Variants in GPR137B observed in about 807,000 individuals in gnomAD.
The protein encoded by GPR137B is G protein-coupled receptor 137B.
Under a neutral mutation model 42.5 loss-of-function variants are expected in GPR137B, and 42 were observed. The observed-to-expected ratio is 0.99, with a 90% confidence interval of 0.77 to 1.28. The LOEUF is 1.28. Ranked by LOEUF, GPR137B falls within the 50% of genes most tolerant of loss-of-function variation. The pLI, the probability that GPR137B is intolerant of heterozygous loss-of-function variation, is 0.00. For missense variants in GPR137B, 487 were observed against 493.9 expected (o/e 0.99, Z 0.13); for synonymous variants, 218 against 209.7 (o/e 1.04, Z -0.34).
At chr1:236,181,432 C>G (rs1662874865) in intron 4 of GPR137B, among the ~76,000 whole-genome samples, 1 of 151,876 alleles carries the variant, frequency 6.6e-6, no homozygotes, top group African/African-American at 2.4e-5. Flanking sequence ...TTATGGTCCA[C>G]TAAGGAAAAG....
chr1:236,185,407 A>G (rs1264461934), intron 5 of GPR137B, among the ~76,000 whole-genome samples: 1 of 152,196 alleles, frequency 6.6e-6, no homozygotes, highest in Non-Finnish European at 1.5e-5. Context: ...TACCATCTGT[A>G]TCCGAATCCC....
At chr1:236,153,023 T>C (rs1256610485) in intron 1 of GPR137B, among the ~76,000 whole-genome samples, 1 of 145,890 alleles carries the variant, frequency 6.9e-6, no homozygotes, top group Non-Finnish European at 1.5e-5. Flanking sequence ...ACCACTGCAC[T>C]CCAGGCTGGG....
At position 236,173,151 on chromosome 1, in the gene GPR137B, C is replaced by T. The variant is rs115686135; in HGVS notation, c.464+4396C>T. Reference sequence around the variant, plus strand: ...CTACAAAATAAAAAAATCAGCTGGGCGTAGTGGTGCGCGCCTGTATTCCCA... The same window carrying T: ...CTACAAAATAAAAAAATCAGCTGGGTGTAGTGGTGCGCGCCTGTATTCCCA... On this transcript the variant is annotated intron_variant, in intron 2 of 6. Coordinates refer to ENST00000366592, the MANE Select transcript of GPR137B (RefSeq NM_003272.4). Among the ~76,000 whole-genome samples, 1,320 of 151,316 alleles carry T rather than the reference C, an allele frequency of 8.7e-3. 15 individuals carry two copies. Among genetic ancestry groups the T allele is most frequent in the African/African-American group, 0.029 (1,189 of 41,318 alleles).
chr1:236,164,261 GAAAGCCAGGATGATGT>G (rs1054260725), intron 1 of GPR137B, among the ~76,000 whole-genome samples: 5 of 152,186 alleles, frequency 3.3e-5, no homozygotes, highest in African/African-American at 1.2e-4. Context: ...CCACCAATTG[GAAAGCCAGGATGATGT>G]AAATTTTCAT....
chr1:236,148,692 G>T (rs76610596), intron 1 of GPR137B, among the ~76,000 whole-genome samples: 2,191 of 152,318 alleles, frequency 0.014, 56 homozygotes, highest in African/African-American at 0.049. Context: ...CAGCAGGGAT[G>T]GTTCGTGAGT....
intron 1 of GPR137B, among the ~76,000 whole-genome samples, chr1:236,146,993 G>C (rs948428911): frequency 2.6e-5 from 4 of 152,210 alleles, no homozygotes; most frequent in Non-Finnish European, 5.9e-5. Flanking sequence ...ATTTTCAGTA[G>C]AGACAGGGTT....
At chr1:236,198,719 T>C (rs938127205) in intron 5 of GPR137B, among the ~76,000 whole-genome samples, 1 of 152,240 alleles carries the variant, frequency 6.6e-6, no homozygotes, top group African/African-American at 2.4e-5. Flanking sequence ...TATTTTGTTT[T>C]TGCAGCTGTT....
intron 1 of GPR137B, among the ~76,000 whole-genome samples, chr1:236,159,006 G>A (rs141765610): frequency 6.6e-6 from 1 of 152,278 alleles, no homozygotes; most frequent in East Asian, 1.9e-4. Context: ...AAGAATAGCA[G>A]GGGACATTTC....
intron 2 of GPR137B, among the ~76,000 whole-genome samples, chr1:236,176,719 C>T (rs928079652): frequency 4.6e-5 from 7 of 152,086 alleles, no homozygotes; most frequent in East Asian, 1.9e-4. Context: ...TGATAGCTGA[C>T]GTCATGCTTT....
rs2102885286 is a variant in GPR137B at position 236,142,842 on chromosome 1, C to T, written c.220C>T (p.Arg74Trp). ...LWLVLRYRHK[R>W]LSYQSVFLFL... ...GCTGGTGCTGCGTTACCGCCACAAGCGGCTCAGCTACCAGAGCGTCTTCCT... is the reference window on the plus strand; with the variant it reads ...GCTGGTGCTGCGTTACCGCCACAAGTGGCTCAGCTACCAGAGCGTCTTCCT... The change falls in exon 1 of 7, where the codon CGG becomes TGG. Residue 74 changes from arginine (R) to tryptophan (W), a missense_variant. Physicochemically the swap from Arg to Trp is moderately radical, Grantham distance 101. Coordinates refer to ENST00000366592, the MANE Select transcript of GPR137B (RefSeq NM_003272.4). The T allele has an allele frequency of 1.2e-6, 2 of 1,614,032 alleles. No homozygotes were observed. The highest frequency in any genetic ancestry group is 3.3e-4 in the Middle Eastern group (2 of 6,062).
intron 3 of GPR137B, among the ~76,000 whole-genome samples, chr1:236,178,890 C>T (rs896420215): frequency 3.4e-5 from 5 of 146,804 alleles, no homozygotes; most frequent in Non-Finnish European, 7.5e-5. Flanking sequence ...CTCCGCCTCC[C>T]AGGTTCACGC....
chr1:236,143,074 C>A (rs768231835), intron 1 of GPR137B, 38 bp downstream of exon 1: 3 of 1,551,630 alleles, frequency 1.9e-6, no homozygotes, highest in Admixed American at 3.7e-5. Context: ...GCTCACCTGG[C>A]GGGGTGGTCC....
At chr1:236,148,152 G>C (rs190560473) in intron 1 of GPR137B, among the ~76,000 whole-genome samples, 1 of 152,342 alleles carries the variant, frequency 6.6e-6, no homozygotes, top group African/African-American at 2.4e-5. Flanking sequence ...TTAGGAGAGG[G>C]GCAGGACTCT....
chr1:236,160,279 G>A (rs999589581), intron 1 of GPR137B, among the ~76,000 whole-genome samples: 8 of 152,108 alleles, frequency 5.3e-5, no homozygotes, highest in African/African-American at 1.9e-4. Flanking sequence ...TAGGCTGTGT[G>A]GAGCCCAAGG....
In GPR137B at chr1:236,208,851, G is replaced by T; in HGVS notation, c.*693G>T. 1 of 980,814 alleles carries T rather than the reference G, an allele frequency of 1.0e-6. No homozygotes were observed. The highest frequency in any genetic ancestry group is 6.2e-5 in the Admixed American group (1 of 16,254). 60.8% of individuals were successfully genotyped at this position (980,814 alleles called of 1,614,324 possible). ...AATGTATACACATTAATGATAAGTTGATAACATTAAAAATGTAGCTGACTT... is the reference window on the plus strand; with the variant it reads ...AATGTATACACATTAATGATAAGTTTATAACATTAAAAATGTAGCTGACTT... On this transcript the variant is annotated 3_prime_UTR_variant, in exon 7 of 7. Transcript: ENST00000366592.
At position 236,180,513 on chromosome 1, in the gene GPR137B, C is replaced by T. The variant is rs549735443; in HGVS notation, c.837+485C>T. 9.8e-4 allele frequency among the ~76,000 whole-genome samples: 149 copies of T among 152,232 alleles called. No individual in the cohort carries two copies. In the Middle Eastern group the frequency reaches 0.024, roughly 24 times the overall value. ...TGTCAGATGGGATCACAGCACCTGC[C>T]TTGTTCCCTTTTGAGAAAACCAGGA... On this transcript the variant is annotated intron_variant, in intron 4 of 6. Transcript: ENST00000366592.
At chr1:236,199,516 G>A (rs1572008368) in intron 5 of GPR137B, among the ~76,000 whole-genome samples, 1 of 152,194 alleles carries the variant, frequency 6.6e-6, no homozygotes, top group East Asian at 1.9e-4. Context: ...GAATCCACCT[G>A]GTCCTGGACT....
In GPR137B at chr1:236,150,244, CGT is replaced by C. The variant is rs1558478135; in HGVS notation, c.414+7216_414+7217del. ...GTGTGTGCCTGTGTATGTCTGTGCC[CGT>C]GTGTGTGCCTGTGTTTGTGTGTGTC... is the stretch of plus-strand genomic sequence containing the variant. On this transcript the variant is annotated intron_variant, in intron 1 of 6. Coordinates refer to ENST00000366592, the MANE Select transcript of GPR137B (RefSeq NM_003272.4). This position sits in a 1 kb window ranked among gnomAD's most constrained non-coding sequence, Gnocchi z 6.2. 1.7e-5 allele frequency among the ~76,000 whole-genome samples: 2 copies of C among 117,100 alleles called. No individual in the cohort carries two copies. Among genetic ancestry groups the C allele is most frequent in the African/African-American group, 6.7e-5 (2 of 29,798 alleles). The allele number at this position is 117,100 out of a possible 152,430, so 76.8% of individuals were successfully genotyped here.
At chr1:236,203,948 A>G (rs1255610967) in intron 5 of GPR137B, among the ~76,000 whole-genome samples, 1 of 152,120 alleles carries the variant, frequency 6.6e-6, no homozygotes, top group Non-Finnish European at 1.5e-5. Context: ...TCTAGCTAGG[A>G]CTTCCAGTAC....
Sources: allele counts gnomAD v4.1 joint callset (sites outside exome capture counted in the v4.1 genomes callset), GRCh38; gene constraint gnomAD v4.1.1; non-coding constraint Gnocchi (gnomAD v3.1); transcripts MANE v1.5; gene names NCBI Gene and HGNC (gene_info 2026-07-23, HGNC 2026-07-21).